Variants in BRAF observed in about 807,000 individuals in gnomAD.
The protein encoded by BRAF is serine/threonine-protein kinase B-raf.
BRAF carries 16 observed loss-of-function variants against 104.6 expected under a neutral mutation model. The observed-to-expected ratio is 0.15, with a 90% CI of 0.10 to 0.23. The LOEUF (loss-of-function observed/expected upper bound fraction) is 0.23, where lower values mean the gene tolerates loss of function less well. Ranked by LOEUF, BRAF falls within the 10% of genes least tolerant of loss-of-function variation. The probability of loss-of-function intolerance (pLI) is 1.00; values close to 1 mark genes in which losing one functional copy is unlikely to be tolerated. For synonymous variants in BRAF, 310 were observed against 341.6 expected (o/e 0.91, Z 1.02); for missense variants, 541 against 937.3 (o/e 0.58, Z 5.52).
At position 140,778,095 on chromosome 7, in the gene BRAF, C is replaced by T. The variant is rs2129019783; in HGVS notation, c.1553-20G>A. 1 of 1,611,026 alleles carries T rather than the reference C, an allele frequency of 6.2e-7. No individual in the cohort carries two copies. The highest frequency in any genetic ancestry group is 1.1e-5 in the South Asian group (1 of 90,992). The stretch of plus-strand genomic sequence containing the variant: ...CATCACCTAAAAGGCAATTGTTACT[C>T]CAAGTGTCATTTCAATTTTTAAAAT... On this transcript the variant is annotated intron_variant, in intron 12 of 19. Coordinates refer to ENST00000644969, the MANE Select transcript of BRAF (RefSeq NM_001374258.1).
At chr7:140,765,561 G>A in intron 14 of BRAF, among the ~76,000 whole-genome samples, 1 of 151,880 alleles carries the variant, frequency 6.6e-6, no homozygotes, top group Non-Finnish European at 1.5e-5. Context: ...CTGACAAAGG[G>A]CTAATATCCA....
intron 14 of BRAF, among the ~76,000 whole-genome samples, chr7:140,760,882 G>GA (rs1419162457): frequency 3.3e-5 from 5 of 152,156 alleles, no homozygotes; most frequent in Admixed American, 2.0e-4. Flanking sequence ...AGAAATATGG[G>GA]ACTATGTGAA....
intron 8 of BRAF, among the ~76,000 whole-genome samples, chr7:140,792,328 C>T (rs989091627): frequency 1.3e-5 from 2 of 152,168 alleles, no homozygotes; most frequent in African/African-American, 4.8e-5. Flanking sequence ...TGATGACTTC[C>T]TCTCCCAATC....
intron 3 of BRAF, among the ~76,000 whole-genome samples, chr7:140,829,237 C>A (rs1376807372): frequency 1.3e-5 from 2 of 150,234 alleles, no homozygotes; most frequent in Non-Finnish European, 3.0e-5. Flanking sequence ...TGTATTTAAT[C>A]CATCTGTCTC....
At chr7:140,890,821 G>C (rs902892053) in intron 1 of BRAF, among the ~76,000 whole-genome samples, 1 of 151,952 alleles carries the variant, frequency 6.6e-6, no homozygotes, top group African/African-American at 2.4e-5. Flanking sequence ...CTGAGCAAAA[G>C]GAAGCATATT....
Position 140,914,561 on chromosome 7 carries a change from G to A in BRAF, c.138+10005C>T, listed in dbSNP as rs541102721. Among the ~76,000 whole-genome samples, 5 of 152,184 alleles carry A rather than the reference G, an allele frequency of 3.3e-5. No homozygotes were observed. In the East Asian group the frequency reaches 9.6e-4, roughly 29 times the overall value. On this transcript the variant is annotated intron_variant, in intron 1 of 19. Coordinates refer to ENST00000644969, the MANE Select transcript of BRAF (RefSeq NM_001374258.1). ...TTCCCATGGAAGTATATATTAATGT[G>A]TGTAAAACAAAAAAGTTCTGAGTTA...
chr7:140,725,073 G>A lies in BRAF; in HGVS notation c.*1421C>T. On this transcript the variant is annotated 3_prime_UTR_variant, in exon 20 of 20. Transcript: ENST00000644969. ...CTAAAATTGCTCTATTCTCTGTCTGGGAATTCAGCTGCCAAATTGCCCAAC... is the reference window on the plus strand; with the variant it reads ...CTAAAATTGCTCTATTCTCTGTCTGAGAATTCAGCTGCCAAATTGCCCAAC... 1 of 1,045,778 alleles carries A rather than the reference G, an allele frequency of 9.6e-7. No individual in the cohort carries two copies. The highest frequency in any genetic ancestry group is 4.6e-5 in the South Asian group (1 of 21,804). 64.8% of individuals were successfully genotyped at this position (1,045,778 alleles called of 1,614,324 possible).
At chr7:140,873,870 GA>G in intron 1 of BRAF, among the ~76,000 whole-genome samples, 1 of 152,224 alleles carries the variant, frequency 6.6e-6, no homozygotes, top group Middle Eastern at 3.4e-3. Context: ...AGAAAGAATA[GA>G]AACCTTACTG....
At chr7:140,715,882 G>A (rs1795119895), downstream of BRAF, among the ~76,000 whole-genome samples, 3 of 152,204 alleles carry the variant, frequency 2.0e-5, no homozygotes, top group Admixed American at 1.3e-4. Context: ...CCACTTTATA[G>A]GTGAAGAAGT....
intron 8 of BRAF, among the ~76,000 whole-genome samples, chr7:140,793,791 A>G (rs1035102198): frequency 6.6e-6 from 1 of 152,024 alleles, no homozygotes. Context: ...ATGCATGGCT[A>G]ATTTGTTTTA....
rs1800503302 is a variant in BRAF at position 140,778,044 on chromosome 7, T to C, written c.1584A>G (p.Thr528=). 1 of 1,613,352 alleles carries C rather than the reference T, an allele frequency of 6.2e-7. No homozygotes were observed. Among genetic ancestry groups the C allele is most frequent in the African/African-American group, 1.3e-5 (1 of 74,900 alleles). Residue 528 remains threonine (T), a synonymous_variant, in exon 13 of 20, where the codon ACA becomes ACG. Coordinates refer to ENST00000644969, the MANE Select transcript of BRAF (RefSeq NM_001374258.1). ...CTTGTAACTGCTGAGGTGTAGGTGC[T>C]GTCACATTCAACATTTTCACTGCCA... is the stretch of plus-strand genomic sequence containing the variant. ...GDVAVKMLNV[T]APTPQQLQAF...
At chr7:140,832,321 G>A (rs866187535) in intron 3 of BRAF, among the ~76,000 whole-genome samples, 3 of 152,190 alleles carry the variant, frequency 2.0e-5, no homozygotes, top group Admixed American at 6.5e-5. Context: ...TATTTTGATA[G>A]AGGAACTGTC....
At chr7:140,856,016 TAAACAAAC>T (rs528591518) in intron 1 of BRAF, among the ~76,000 whole-genome samples, 3 of 151,440 alleles carry the variant, frequency 2.0e-5, no homozygotes, top group African/African-American at 7.3e-5. Flanking sequence ...AGACTATCTC[TAAACAAAC>T]AAACAAACAA....
chr7:140,898,721 G>C (rs1015019085), intron 1 of BRAF, among the ~76,000 whole-genome samples: 4 of 152,270 alleles, frequency 2.6e-5, no homozygotes, highest in Non-Finnish European at 5.9e-5. Flanking sequence ...CCCTGAGGTA[G>C]TCACTATCAC....
chr7:140,851,353 C>T (rs1342660492), intron 1 of BRAF, among the ~76,000 whole-genome samples: 2 of 152,000 alleles, frequency 1.3e-5, no homozygotes, highest in African/African-American at 4.8e-5. Context: ...ATAAATATAA[C>T]ACACAGTAGA....
chr7:140,876,828 C>T (rs180695707), intron 1 of BRAF, among the ~76,000 whole-genome samples: 59 of 152,162 alleles, frequency 3.9e-4, no homozygotes, highest in African/African-American at 1.4e-3. Flanking sequence ...TTCTACTTAA[C>T]AGCTGAATAC....
chr7:140,840,202 C>T (rs926556762), intron 2 of BRAF, among the ~76,000 whole-genome samples: 2 of 152,164 alleles, frequency 1.3e-5, no homozygotes, highest in African/African-American at 2.4e-5. Context: ...GCAACTAAAC[C>T]TGTTTTGGCT....
At chr7:140,764,169 G>A (rs1799070091) in intron 14 of BRAF, among the ~76,000 whole-genome samples, 1 of 151,680 alleles carries the variant, frequency 6.6e-6, no homozygotes. Context: ...ATGTAATCCA[G>A]CATATAAACA....
At chr7:140,743,369 T>C (rs1214458855) in intron 17 of BRAF, among the ~76,000 whole-genome samples, 2 of 152,064 alleles carry the variant, frequency 1.3e-5, no homozygotes, top group Admixed American at 6.5e-5. Context: ...GTGGCACATA[T>C]ACACCATGGA....
Sources: gnomAD v4.1 joint callset for allele counts (sites outside exome capture counted in the v4.1 genomes callset) on GRCh38, gnomAD v4.1.1 for gene constraint, MANE v1.5 for transcripts, NCBI Gene and HGNC (gene_info 2026-07-23, HGNC 2026-07-21) for gene names.